The following COPS2 variants were observed in gnomAD, a reference collection of about 807,000 sequenced individuals.
COPS2 encodes COP9 signalosome subunit 2, also known as COP9 signalosome complex subunit 2.
Under a neutral mutation model 66.1 loss-of-function variants are expected in COPS2, and 10 were observed. The observed-to-expected ratio is 0.15, with a 90% CI of 0.09 to 0.26. The LOEUF (loss-of-function observed/expected upper bound fraction) is 0.26. Ranked by LOEUF, COPS2 falls within the 10% of genes least tolerant of loss-of-function variation. COPS2 has a pLI of 1.00. For synonymous variants in COPS2, 179 were observed against 171.3 expected (o/e 1.04, Z -0.35); for missense variants, 215 against 513.3 (o/e 0.42, Z 5.62).
At position 49,126,857 on chromosome 15, in the gene COPS2, C is replaced by G. The variant is rs1393828012; in HGVS notation, c.*1093G>C. On this transcript the variant is annotated 3_prime_UTR_variant, in exon 13 of 13. Transcript: ENST00000388901. ...CTAAAAATAATCAAGCTTCCTAATA[C>G]TATATTTTTTAAAACAATGTATAAT... 6.6e-6 allele frequency: 1 copy of G among 152,042 alleles called. No homozygotes were observed. Among genetic ancestry groups the G allele is most frequent in the African/African-American group, 2.4e-5 (1 of 41,424 alleles). The allele number at this position is 152,042 out of a possible 1,614,324, so 9.4% of individuals were successfully genotyped here.
intron 4 of COPS2, among the ~76,000 whole-genome samples, chr15:49,138,600 T>G (rs1430769619): frequency 6.6e-6 from 1 of 152,178 alleles, no homozygotes; most frequent in Non-Finnish European, 1.5e-5. Flanking sequence ...ATATATAGCT[T>G]AACTCTAGAA....
chr15:49,153,592 A>C (rs998202684), intron 1 of COPS2, among the ~76,000 whole-genome samples: 7 of 152,236 alleles, frequency 4.6e-5, no homozygotes, highest in Non-Finnish European at 8.8e-5. Flanking sequence ...CCTGCACTCC[A>C]TGTTCATTGC....
intron 1 of COPS2, among the ~76,000 whole-genome samples, chr15:49,148,965 A>G (rs1164703320): frequency 6.6e-6 from 1 of 152,230 alleles, no homozygotes; most frequent in East Asian, 1.9e-4. Flanking sequence ...AGTTACGTCA[A>G]ATGAAAAAGA....
At chr15:49,154,878 G>C (rs570524959) in intron 1 of COPS2, among the ~76,000 whole-genome samples, 1 of 152,134 alleles carries the variant, frequency 6.6e-6, no homozygotes, top group Non-Finnish European at 1.5e-5. Context: ...AACACCACAA[G>C]CAAAACCTCC....
intron 9 of COPS2, among the ~76,000 whole-genome samples, chr15:49,132,877 A>G (rs2084222358): frequency 6.6e-6 from 1 of 152,130 alleles, no homozygotes; most frequent in East Asian, 1.9e-4. Context: ...TTCAGTGGTT[A>G]ACCATCATTA....
chr15:49,134,120 A>G lies in COPS2; in HGVS notation c.716-12T>C, dbSNP rs769161147. ...TTTACCACCACATTCTGTGAAGAAT[A>G]AGACATGAGAAAATAGGACATTTTC... On this transcript the variant is annotated splice_polypyrimidine_tract_variant and intron_variant, in intron 7 of 12. Coordinates refer to ENST00000388901, the MANE Select transcript of COPS2 (RefSeq NM_004236.4). 2 of 1,595,270 alleles carry G rather than the reference A, an allele frequency of 1.3e-6. No individual in the cohort carries two copies. The highest frequency in any genetic ancestry group is 4.5e-5 in the East Asian group (2 of 44,708).
chr15:49,143,822 T>C (rs1302585330), intron 3 of COPS2, among the ~76,000 whole-genome samples: 1 of 152,026 alleles, frequency 6.6e-6, no homozygotes, highest in Non-Finnish European at 1.5e-5. Context: ...CCGTCTCTTC[T>C]AAAAACACAA....
chr15:49,155,453 G>T, intron 1 of COPS2, 72 bp downstream of exon 1: 2 of 1,445,972 alleles, frequency 1.4e-6, no homozygotes, highest in Non-Finnish European at 1.9e-6. Context: ...GGGAGAGGCC[G>T]CGGGCGCCCC....
At chr15:49,150,423 T>C (rs996202538) in intron 1 of COPS2, among the ~76,000 whole-genome samples, 4 of 152,158 alleles carry the variant, frequency 2.6e-5, no homozygotes, top group Non-Finnish European at 4.4e-5. Context: ...ATGTTCGCTA[T>C]GTACATAGCA....
chr15:49,136,109 T>G (rs1452194052), intron 6 of COPS2, among the ~76,000 whole-genome samples: 1 of 152,212 alleles, frequency 6.6e-6, no homozygotes, highest in Non-Finnish European at 1.5e-5. Context: ...GGTGATTCAT[T>G]TAGAACAGTT....
intron 6 of COPS2, among the ~76,000 whole-genome samples, chr15:49,135,832 C>T (rs113157510): frequency 0.01 from 1,565 of 152,224 alleles, 14 homozygotes; most frequent in Non-Finnish European, 0.016. Context: ...CATCAAAGTA[C>T]TAAGTAATAT....
intron 1 of COPS2, 76 bp downstream of exon 1, chr15:49,155,449 G>A: frequency 1.4e-6 from 2 of 1,406,844 alleles, no homozygotes; most frequent in South Asian, 1.2e-5. Flanking sequence ...TACGGGGAGA[G>A]GCCGCGGGCG....
At chr15:49,141,998 C>T (rs1300934326) in intron 3 of COPS2, among the ~76,000 whole-genome samples, 1 of 152,180 alleles carries the variant, frequency 6.6e-6, no homozygotes, top group Admixed American at 6.5e-5. Flanking sequence ...CATTCAGCCC[C>T]TAATGGCACT....
chr15:49,136,062 A>C (rs1471846381), intron 6 of COPS2, among the ~76,000 whole-genome samples: 2 of 152,196 alleles, frequency 1.3e-5, no homozygotes, highest in Admixed American at 6.5e-5. Flanking sequence ...CTAAGTGACT[A>C]ATCTGCTTTA....
intron 3 of COPS2, among the ~76,000 whole-genome samples, chr15:49,139,889 C>T (rs1286659566): frequency 6.6e-6 from 1 of 152,198 alleles, no homozygotes; most frequent in African/African-American, 2.4e-5. Flanking sequence ...AGTACAACTG[C>T]TAAATTTTCC....
chr15:49,139,089 A>G (rs955753594), intron 4 of COPS2, among the ~76,000 whole-genome samples: 1 of 152,204 alleles, frequency 6.6e-6, no homozygotes, highest in Non-Finnish European at 1.5e-5. Context: ...TTTACTGAGC[A>G]CCTGTTGAGT....
intron 1 of COPS2, among the ~76,000 whole-genome samples, chr15:49,151,572 A>G: frequency 6.6e-6 from 1 of 152,110 alleles, no homozygotes; most frequent in East Asian, 1.9e-4. Context: ...TAGCTTATCA[A>G]TGGCCTTACC....
intron 3 of COPS2, among the ~76,000 whole-genome samples, chr15:49,141,922 G>A (rs72727221): frequency 0.036 from 5,427 of 152,258 alleles, 174 homozygotes; most frequent in East Asian, 0.15. Context: ...CTGCTAGTAC[G>A]TTAAAATAGC....
rs754094896 is a variant in COPS2 at position 49,128,694 on chromosome 15, G to C, written c.1187+8C>G. On this transcript the variant is annotated splice_region_variant and intron_variant, in intron 12 of 12. Coordinates refer to ENST00000388901, the MANE Select transcript of COPS2 (RefSeq NM_004236.4). ...ATATTTTGTGATAAAAAATAGTAAA[G>C]TACTTACTTATCCAATATGCACTGC... is the stretch of plus-strand genomic sequence containing the variant. 4.6e-5 allele frequency: 72 copies of C among 1,580,866 alleles called. No individual in the cohort carries two copies. Among genetic ancestry groups the C allele is most frequent in the Non-Finnish European group, 6.1e-5 (70 of 1,155,104 alleles).
Sources: gnomAD v4.1 joint callset for allele counts (sites outside exome capture counted in the v4.1 genomes callset) on GRCh38, gnomAD v4.1.1 for gene constraint, MANE v1.5 for transcripts, NCBI Gene and HGNC (gene_info 2026-07-23, HGNC 2026-07-21) for gene names.